GARIN1A: variants seen among roughly 807,000 people sequenced by gnomAD.
GARIN1A encodes Golgi-associated RAB2 interactor protein 1A.
the GARIN1A span, among the ~76,000 whole-genome samples, chr7:128,674,630 C>A: frequency 1.3e-5 from 2 of 152,230 alleles, no homozygotes; most frequent in East Asian, 3.9e-4. Flanking sequence ...AATTTCATTC[C>A]TCAACAAGGG....
chr7:128,691,228 A>T, the GARIN1A span: 1 of 152,196 alleles, frequency 6.6e-6, no homozygotes, highest in African/African-American at 2.4e-5. Context: ...CATGGCTGGA[A>T]GTTCTGTGCC....
chr7:128,675,903 G>A, the GARIN1A span: 1 of 1,385,060 alleles, frequency 7.2e-7, no homozygotes, highest in Non-Finnish European at 1.0e-6. Context: ...ATGATTGACT[G>A]GGATATGCAT....
the GARIN1A span, chr7:128,675,742 C>A: frequency 6.2e-7 from 1 of 1,613,828 alleles, no homozygotes; most frequent in Non-Finnish European, 8.5e-7. Context: ...GGGGTCACCT[C>A]CTCGGTGCCC....
At chr7:128,700,680 C>T in the GARIN1A span, among the ~76,000 whole-genome samples, 3 of 152,094 alleles carry the variant, frequency 2.0e-5, no homozygotes, top group Admixed American at 1.3e-4. Context: ...TTGAAACATG[C>T]ATACATACAT....
At chr7:128,675,428 T>A in the GARIN1A span, among the ~76,000 whole-genome samples, 2 of 108,952 alleles carry the variant, frequency 1.8e-5, no homozygotes, top group African/African-American at 8.9e-5. Flanking sequence ...ATCTTTTTAG[T>A]TAGATAAAAC....
At chr7:128,681,883 C>G in the GARIN1A span, among the ~76,000 whole-genome samples, 9 of 99,958 alleles carry the variant, frequency 9.0e-5, no homozygotes, top group South Asian at 3.3e-4. Context: ...CACACTGCAC[C>G]CCCCCCCACA....
the GARIN1A span, chr7:128,686,888 A>T: frequency 0.039 from 5,702 of 146,932 alleles, 140 homozygotes; most frequent in African/African-American, 0.071. Flanking sequence ...AAAAAAAAAA[A>T]ATATATCTGA....
the GARIN1A span, among the ~76,000 whole-genome samples, chr7:128,674,949 G>C: frequency 9.2e-5 from 14 of 152,302 alleles, no homozygotes; most frequent in South Asian, 2.9e-3. Flanking sequence ...AAAAAGTGTA[G>C]AGCATTGGGA....
chr7:128,674,990 T>A, the GARIN1A span, among the ~76,000 whole-genome samples: 2 of 152,140 alleles, frequency 1.3e-5, no homozygotes, highest in Non-Finnish European at 2.9e-5. Context: ...AACATAGGCG[T>A]CCCTCCTCAT....
chr7:128,704,882 G>A, the GARIN1A span, among the ~76,000 whole-genome samples: 1 of 152,168 alleles, frequency 6.6e-6, no homozygotes, highest in Non-Finnish European at 1.5e-5. Flanking sequence ...TACACAATAT[G>A]GGTTAGCAAT....
the GARIN1A span, among the ~76,000 whole-genome samples, chr7:128,691,891 T>G: frequency 3.3e-5 from 5 of 152,134 alleles, no homozygotes; most frequent in Non-Finnish European, 7.4e-5. Context: ...GGTATGGACT[T>G]AGCTAGCTTG....
chr7:128,671,956 G>T, the GARIN1A span, among the ~76,000 whole-genome samples: 1 of 152,288 alleles, frequency 6.6e-6, no homozygotes, highest in Middle Eastern at 3.4e-3. Context: ...GAAGTTTGGT[G>T]AGGGGCTTCA....
the GARIN1A span, among the ~76,000 whole-genome samples, chr7:128,689,121 G>A: frequency 1.3e-5 from 2 of 152,068 alleles, no homozygotes; most frequent in Non-Finnish European, 1.5e-5. Context: ...TGCCCAGGCT[G>A]GAGTGCAGTG....
chr7:128,675,928 AT>A, the GARIN1A span: 4 of 1,140,038 alleles, frequency 3.5e-6, no homozygotes, highest in Non-Finnish European at 5.2e-6. Context: ...TTGTAGCTGG[AT>A]TTTAGATCAA....
the GARIN1A span, chr7:128,672,546 T>A: frequency 6.2e-7 from 1 of 1,601,396 alleles, no homozygotes; most frequent in Non-Finnish European, 8.5e-7. Flanking sequence ...AGCAACTTTA[T>A]CCAGGTACCC....
At chr7:128,672,280 A>G in the GARIN1A span, 4 of 820,680 alleles carry the variant, frequency 4.9e-6, no homozygotes, top group Non-Finnish European at 7.5e-6. Flanking sequence ...GACAGCCCGT[A>G]AGTAAATGGG....
the GARIN1A span, among the ~76,000 whole-genome samples, chr7:128,705,793 T>G: frequency 1.1e-3 from 159 of 149,370 alleles, no homozygotes; most frequent in Middle Eastern, 0.014. Flanking sequence ...GCCTCCCAAA[T>G]AGCTGGGACC....
At chr7:128,678,310 T>C in the GARIN1A span, among the ~76,000 whole-genome samples, 5 of 152,174 alleles carry the variant, frequency 3.3e-5, no homozygotes, top group Non-Finnish European at 7.3e-5. Flanking sequence ...TGTGAACCTC[T>C]GTGCCTGGCC....
chr7:128,681,490 GCTCTCCTCTCCTTTC>G, the GARIN1A span, among the ~76,000 whole-genome samples: 3 of 93,422 alleles, frequency 3.2e-5, no homozygotes, highest in African/African-American at 4.2e-5. Context: ...CCTTTCCTCT[GCTCTCCTCTCCTTTC>G]CTCTCCTCTC....
Sources: allele counts gnomAD v4.1 joint callset (sites outside exome capture counted in the v4.1 genomes callset), GRCh38; gene constraint gnomAD v4.1.1; transcripts MANE v1.5; gene names NCBI Gene and HGNC (gene_info 2026-07-23, HGNC 2026-07-21).